TCF20: variants seen among roughly 807,000 people sequenced by gnomAD.
TCF20 encodes the protein transcription factor 20, also known as SPRE-binding protein.
TCF20 carries 3 observed loss-of-function variants against 148.6 expected under a neutral mutation model. The ratio of observed to expected loss-of-function variants is 0.02; its 90% CI spans 0.01 to 0.05. TCF20 has a LOEUF of 0.05. Ranked by LOEUF, TCF20 falls within the 10% of genes least tolerant of loss-of-function variation. The probability of loss-of-function intolerance (pLI) is 1.00; values close to 1 mark genes in which losing one functional copy is unlikely to be tolerated. For missense variants in TCF20, 2,350 were observed against 2,429.3 expected, an observed-to-expected ratio of 0.97 and a Z score of 0.69; for synonymous variants, 1,049 against 909.5, an observed-to-expected ratio of 1.15 and a Z score of -2.76.
chr22:42,164,529 G>A (rs1166727636), intron 5 of TCF20, among the ~76,000 whole-genome samples: 1 of 152,172 alleles, frequency 6.6e-6, no homozygotes, highest in African/African-American at 2.4e-5. Context: ...GGCCTGGGAT[G>A]CACTCATTTC....
intron 1 of TCF20, among the ~76,000 whole-genome samples, chr22:42,312,456 G>A (rs1387209363): frequency 6.6e-6 from 1 of 152,028 alleles, no homozygotes; most frequent in African/African-American, 2.4e-5. Context: ...CCAGGCCTCA[G>A]AGGAATATAC....
intron 2 of TCF20, among the ~76,000 whole-genome samples, chr22:42,190,702 G>A (rs1937287381): frequency 6.6e-6 from 1 of 152,146 alleles, no homozygotes; most frequent in Non-Finnish European, 1.5e-5. Flanking sequence ...GGTTCCTTTT[G>A]TCTATTTAGA....
intron 2 of TCF20, among the ~76,000 whole-genome samples, chr22:42,180,351 A>C (rs1936709936): frequency 6.6e-6 from 1 of 152,164 alleles, no homozygotes; most frequent in South Asian, 2.1e-4. Context: ...GCTAAGTGAG[A>C]CATTATTTTG....
At chr22:42,216,799 G>A (rs1323071836) in intron 1 of TCF20, among the ~76,000 whole-genome samples, 2 of 152,200 alleles carry the variant, frequency 1.3e-5, no homozygotes, top group African/African-American at 4.8e-5. Context: ...TTATCTGACT[G>A]AGCCACCACT....
At chr22:42,180,681 C>T (rs916480708) in intron 2 of TCF20, among the ~76,000 whole-genome samples, 3 of 152,190 alleles carry the variant, frequency 2.0e-5, no homozygotes, top group African/African-American at 7.2e-5. Context: ...TGGAAAACTA[C>T]ACTAACGCCA....
upstream of TCF20, among the ~76,000 whole-genome samples, chr22:42,288,715 CAAAAA>C (rs60058670): frequency 2.3e-4 from 20 of 85,304 alleles, no homozygotes; most frequent in African/African-American, 8.7e-4. Context: ...GACCCTGTAT[CAAAAA>C]AAAAAAAAAA....
At chr22:42,333,629 T>A (rs143313579) in intron 1 of TCF20, among the ~76,000 whole-genome samples, 323 of 152,348 alleles carry the variant, frequency 2.1e-3, no homozygotes, top group African/African-American at 7.0e-3. Context: ...CAGGCCCCTG[T>A]GAGCCAGCTT....
chr22:42,234,512 G>A (rs755198384), intron 1 of TCF20, among the ~76,000 whole-genome samples: 2 of 152,094 alleles, frequency 1.3e-5, no homozygotes, highest in Non-Finnish European at 2.9e-5. Flanking sequence ...TAGGAGGAGC[G>A]GAGGTGAGTC....
chr22:42,227,166 C>A (rs1030047491), intron 1 of TCF20, among the ~76,000 whole-genome samples: 2 of 152,128 alleles, frequency 1.3e-5, no homozygotes, highest in African/African-American at 4.8e-5. Flanking sequence ...GCCCGTAATC[C>A]TAGCTACTCG....
chr22:42,225,864 G>A (rs570855358), intron 1 of TCF20, among the ~76,000 whole-genome samples: 2 of 152,272 alleles, frequency 1.3e-5, no homozygotes, highest in African/African-American at 4.8e-5. Flanking sequence ...AGGCAAGTGT[G>A]CACACAGGGT....
intron 2 of TCF20, among the ~76,000 whole-genome samples, chr22:42,185,347 A>G (rs1936994522): frequency 6.6e-6 from 1 of 152,130 alleles, no homozygotes; most frequent in Non-Finnish European, 1.5e-5. Flanking sequence ...TGCACCCCCC[A>G]AGGACTGGCA....
chr22:42,319,021 C>T (rs1412946586), intron 1 of TCF20, among the ~76,000 whole-genome samples: 4 of 152,210 alleles, frequency 2.6e-5, no homozygotes, highest in East Asian at 1.9e-4. Flanking sequence ...CTGTGCCACA[C>T]CTTGTAAGGG....
chr22:42,194,598 G>A (rs188118518), intron 2 of TCF20, among the ~76,000 whole-genome samples: 2 of 151,956 alleles, frequency 1.3e-5, no homozygotes, highest in Admixed American at 1.3e-4. Context: ...GGGAGAGTGT[G>A]GGGTGGGGGC....
At chr22:42,269,471 C>A (rs918824145) in intron 1 of TCF20, among the ~76,000 whole-genome samples, 1 of 152,214 alleles carries the variant, frequency 6.6e-6, no homozygotes, top group Non-Finnish European at 1.5e-5. Flanking sequence ...CACCGCCCCC[C>A]AACTCACTAA....
At position 42,296,507 on chromosome 22, in the gene TCF20, C is replaced by T. The variant is rs116429030; in HGVS notation, c.-37+46972G>A. On this transcript the variant is annotated intron_variant, in intron 1 of 1. Coordinates refer to the TCF20 transcript ENST00000515426. ...CCAGCCCTGCCTGGAGTCTCCTGGCCGGGATCACAGCCCTGCGGCGTTCGA... is the reference window on the plus strand; with the variant it reads ...CCAGCCCTGCCTGGAGTCTCCTGGCTGGGATCACAGCCCTGCGGCGTTCGA... Among the ~76,000 whole-genome samples, 393 of 152,366 alleles carry T rather than the reference C, an allele frequency of 2.6e-3. 1 individual carries two copies. Among genetic ancestry groups the T allele is most frequent in the African/African-American group, 9.2e-3 (382 of 41,580 alleles).
chr22:42,272,308 C>G (rs1926652048), upstream of TCF20, among the ~76,000 whole-genome samples: 1 of 152,206 alleles, frequency 6.6e-6, no homozygotes, highest in South Asian at 2.1e-4. Flanking sequence ...GCACTCAGCA[C>G]AAATCAATGT....
rs1338464002 is a variant in TCF20, at chr22:42,213,950, C to T, written c.1356G>A (p.Gly452=). 2 of 1,614,194 alleles carry T rather than the reference C, an allele frequency of 1.2e-6. No homozygotes were observed. The highest frequency in any genetic ancestry group is 1.7e-5 in the Admixed American group (1 of 60,024). ...TACTCAGAGCACTCAAACTACTCAACCCAGGATCTGTCAGTCGCTTTTCTG... is the reference window on the plus strand; with the variant it reads ...TACTCAGAGCACTCAAACTACTCAATCCAGGATCTGTCAGTCGCTTTTCTG... ...GVPEKRLTDP[G]LSSLSALSTQ... The change falls in exon 2 of 6, where the codon GGG becomes GGA. Residue 452 remains glycine, a synonymous_variant. Transcript: ENST00000677622.
intron 2 of TCF20, among the ~76,000 whole-genome samples, chr22:42,187,641 T>TAATCG (rs1221292991): frequency 6.6e-6 from 1 of 152,248 alleles, no homozygotes; most frequent in East Asian, 1.9e-4. Context: ...TCCCTTCCGA[T>TAATCG]GTCTTTGTGC....
chr22:42,239,581 A>G (rs554393329), intron 1 of TCF20, among the ~76,000 whole-genome samples: 2 of 152,260 alleles, frequency 1.3e-5, no homozygotes, highest in South Asian at 4.1e-4. Flanking sequence ...TCAGGTTAGG[A>G]GTTCCAGACC....
Sources: allele counts gnomAD v4.1 joint callset (sites outside exome capture counted in the v4.1 genomes callset), GRCh38; gene constraint gnomAD v4.1.1; transcripts MANE v1.5; gene names NCBI Gene and HGNC (gene_info 2026-07-23, HGNC 2026-07-21).